Variants in NISCH observed in about 807,000 individuals in gnomAD.
NISCH encodes the protein I-1 receptor candidate protein.
NISCH carries 55 observed loss-of-function variants against 138.4 expected under a neutral mutation model. The observed-to-expected ratio is 0.40, with a 90% CI of 0.32 to 0.50. The LOEUF is 0.50. Ranked by LOEUF, NISCH falls within the 20% of genes least tolerant of loss-of-function variation. NISCH has a pLI of 0.71. For synonymous variants in NISCH, 860 were observed against 861.5 expected (o/e 1.00, Z 0.03); for missense variants, 1,643 against 2,005.5 (o/e 0.82, Z 3.45).
intron 13 of NISCH, among the ~76,000 whole-genome samples, chr3:52,484,052 G>C (rs1178487679): frequency 6.6e-6 from 1 of 152,256 alleles, no homozygotes; most frequent in East Asian, 1.9e-4. Context: ...TTCTTCTGCG[G>C]AATGTCTGTT....
In NISCH at chr3:52,492,919, C is replaced by A; in HGVS notation, c.*437C>A. The A allele has an allele frequency of 5.0e-6, 1 of 201,248 alleles. No homozygotes were observed. The highest frequency in any genetic ancestry group is 1.0e-5 in the Non-Finnish European group (1 of 98,130). 12.5% of individuals were successfully genotyped at this position (201,248 alleles called of 1,614,324 possible). A position where few individuals can be genotyped will look rare whatever the true frequency, so the allele number is the denominator to read the frequency against. Reference sequence around the variant, plus strand: ...GTAGCAGAATGCACATTGGAAGCTCCCACCCCATATTGTTCTTCAAAGTGG... The same window carrying A: ...GTAGCAGAATGCACATTGGAAGCTCACACCCCATATTGTTCTTCAAAGTGG... On this transcript the variant is annotated 3_prime_UTR_variant, in exon 21 of 21. Coordinates refer to ENST00000345716, the MANE Select transcript of NISCH (RefSeq NM_007184.4).
intron 3 of NISCH, chr3:52,470,584 G>T: frequency 1.9e-6 from 1 of 515,682 alleles, no homozygotes; most frequent in African/African-American, 1.9e-5. Flanking sequence ...TGGCCTCCTG[G>T]GCTACAGTGC....
At chr3:52,455,807 A>T in intron 1 of NISCH, 73 bp downstream of exon 1, 1 of 1,116,842 alleles carries the variant, frequency 9.0e-7, no homozygotes, top group East Asian at 3.1e-5. Context: ...GGGCTTGGGG[A>T]GGGGTCCGGG....
intron 13 of NISCH, 118 bp from the exon 14 acceptor site, chr3:52,484,395 G>T: frequency 1.1e-6 from 1 of 895,196 alleles, no homozygotes; most frequent in South Asian, 1.8e-5. Flanking sequence ...CTGGGTTTTG[G>T]GATCTGGCTA....
In NISCH at chr3:52,487,269, A is replaced by G. The variant is rs772883170; in HGVS notation, c.1777A>G (p.Ile593Val). The G allele has an allele frequency of 2.5e-6, 4 of 1,614,074 alleles. No homozygotes were observed. The highest frequency in any genetic ancestry group is 1.3e-5 in the African/African-American group (1 of 74,942). ...GQIIFLPFTC[I>V]GYTATNQDFI... ...GATCATCTTCCTGCCCTTCACCTGC[A>G]TTGGCTACACGGCCACCAATCAGGA... The change falls in exon 16 of 21, where the codon ATT becomes GTT. Residue 593 changes from isoleucine (I) to valine (V), a missense_variant. Transcript: ENST00000345716. This position sits in a 1 kb window ranked among gnomAD's most constrained non-coding sequence, Gnocchi z 9.1.
Position 52,485,773 on chromosome 3 carries a change from A to G in NISCH, c.1654-5A>G. ...GGGGACTGACTGTGTTTCTTTCTCC[A>G]TCAGGCAGCTTCCGATGATTTAAGG... On this transcript the variant is annotated splice_region_variant and splice_polypyrimidine_tract_variant and intron_variant, in intron 14 of 20. Coordinates refer to ENST00000345716, the MANE Select transcript of NISCH (RefSeq NM_007184.4). 5 of 1,577,416 alleles carry G rather than the reference A, an allele frequency of 3.2e-6. No individual in the cohort carries two copies. The highest frequency in any genetic ancestry group is 4.3e-6 in the Non-Finnish European group (5 of 1,160,122).
At chr3:52,471,469 T>G in intron 4 of NISCH, 1 of 383,614 alleles carries the variant, frequency 2.6e-6, no homozygotes, top group South Asian at 3.0e-5. Context: ...GGTGTTTGCA[T>G]TTCGGAGGTT....
chr3:52,458,632 T>C (rs1473108489), intron 2 of NISCH, 30 bp from the exon 3 acceptor site: 1 of 1,595,470 alleles, frequency 6.3e-7, no homozygotes, highest in Admixed American at 1.7e-5. Flanking sequence ...CCTCTTAGTC[T>C]GTGGTTGATG....
At chr3:52,459,030 G>A (rs531377454) in intron 3 of NISCH, among the ~76,000 whole-genome samples, 186 bp downstream of exon 3, 9 of 152,302 alleles carry the variant, frequency 5.9e-5, no homozygotes, top group Middle Eastern at 3.4e-3. Context: ...CAGATTTGCC[G>A]TAAATTAGAC....
Position 52,455,647 on chromosome 3 carries a change from G to T in NISCH, c.6G>T (p.Ala2=), listed in dbSNP as rs1706440476. The change falls in exon 1 of 21, where the codon GCG becomes GCT. Residue 2 remains alanine (A), a synonymous_variant. Coordinates refer to ENST00000345716, the MANE Select transcript of NISCH (RefSeq NM_007184.4). M[A]TARTFGPERE... is the part of the protein sequence containing the mutation. ...GTGGCGGCGGAGACCCGAACATGGC[G>T]ACCGCGCGCACCTTCGGGCCCGAGC... The T allele has an allele frequency of 7.5e-7, 1 of 1,340,536 alleles. No homozygotes were observed. The highest frequency in any genetic ancestry group is 9.6e-7 in the Non-Finnish European group (1 of 1,037,668). The allele number at this position is 1,340,536 out of a possible 1,614,324, so 83.0% of individuals were successfully genotyped here. A position where few individuals can be genotyped will look rare whatever the true frequency, so the allele number is the denominator to read the frequency against.
At position 52,478,109 on chromosome 3, in the gene NISCH, C is replaced by G; in HGVS notation, c.1000C>G (p.Leu334Val). ...CACGCCGCTGCAGCACCTGTATAAC[C>G]TTGTGCATCTGGACCTGTCCTACAA... ...VVDNLQHLYN[L>V]VHLDLSYNKL... is the part of the protein sequence containing the mutation. Residue 334 changes from leucine to valine, a missense_variant, in exon 10 of 21, where the codon CTT (leucine) becomes GTT (valine). Transcript: ENST00000345716. 1.2e-6 allele frequency: 2 copies of G among 1,613,900 alleles called. No homozygotes were observed. The highest frequency in any genetic ancestry group is 1.3e-5 in the African/African-American group (1 of 75,032).
At chr3:52,464,186 C>T (rs1182588618) in intron 3 of NISCH, among the ~76,000 whole-genome samples, 1 of 151,600 alleles carries the variant, frequency 6.6e-6, no homozygotes, top group African/African-American at 2.4e-5. Flanking sequence ...TCACTTGAGG[C>T]CTGGAGTTCG....
At chr3:52,466,868 C>G (rs1313233119) in intron 3 of NISCH, among the ~76,000 whole-genome samples, 1 of 152,152 alleles carries the variant, frequency 6.6e-6, no homozygotes, top group Admixed American at 6.6e-5. Context: ...AAACCTTTGC[C>G]CACGGCTACA....
intron 4 of NISCH, chr3:52,471,330 A>G (rs577962504): frequency 3.3e-5 from 9 of 274,420 alleles, no homozygotes; most frequent in African/African-American, 1.5e-4. Flanking sequence ...TCAGCGGCCC[A>G]GTCACCAGCC....
Position 52,489,415 on chromosome 3 carries a change from G to GCAGCCT in NISCH, c.3203_3208dup (p.Ala1068_Ser1069dup), listed in dbSNP as rs757845915. 8 of 1,605,618 alleles carry GCAGCCT rather than the reference G, an allele frequency of 5.0e-6. No homozygotes were observed. Among genetic ancestry groups the GCAGCCT allele is most frequent in the African/African-American group, 2.7e-5 (2 of 74,788 alleles). On this transcript the variant is annotated inframe_insertion, in exon 17 of 21. Transcript: ENST00000345716. ...GGAAGTCCCAGCTCCAGCCCCTGCAGCAGCCTCAGCCTCAGGCCCAGCGAA... is the reference window on the plus strand; with the variant it reads ...GGAAGTCCCAGCTCCAGCCCCTGCAGCAGCCTCAGCCTCAGCCTCAGGCCCAGCGAA...
chr3:52,488,716 C>A, intron 16 of NISCH, 111 bp downstream of exon 16: 1 of 957,526 alleles, frequency 1.0e-6, no homozygotes. Flanking sequence ...GCTGGGCCCC[C>A]TCCCCCCCTG....
At chr3:52,472,444 G>T (rs778507281) in intron 6 of NISCH, 46 bp downstream of exon 6, 1 of 1,503,918 alleles carries the variant, frequency 6.6e-7, no homozygotes, top group Non-Finnish European at 9.3e-7. Flanking sequence ...CAACTCAGAG[G>T]CTAGAGAGTG....
chr3:52,471,766 G>A, intron 4 of NISCH, 48 bp from the exon 5 acceptor site: 4 of 1,608,680 alleles, frequency 2.5e-6, no homozygotes, highest in Non-Finnish European at 3.4e-6. Flanking sequence ...CTGCACGAGG[G>A]CTGGGGCTGC....
Position 52,487,183 on chromosome 3 carries a change from T to G in NISCH, c.1704-13T>G. The G allele has an allele frequency of 6.2e-7, 1 of 1,604,766 alleles. No homozygotes were observed. Reference sequence around the variant, plus strand: ...CTCCCAGCATGCCACTGACCTGGCCTCTCCCTGCACAGCCCAGAACATGCC... The same window carrying G: ...CTCCCAGCATGCCACTGACCTGGCCGCTCCCTGCACAGCCCAGAACATGCC... On this transcript the variant is annotated splice_polypyrimidine_tract_variant and intron_variant, in intron 15 of 20. Coordinates refer to ENST00000345716, the MANE Select transcript of NISCH (RefSeq NM_007184.4). The surrounding 1 kb of genome is among the most constrained non-coding windows in gnomAD (Gnocchi z 9.1).
Sources: allele counts gnomAD v4.1 joint callset (sites outside exome capture counted in the v4.1 genomes callset), GRCh38; gene constraint gnomAD v4.1.1; non-coding constraint Gnocchi (gnomAD v3.1); transcripts MANE v1.5; gene names NCBI Gene and HGNC (gene_info 2026-07-23, HGNC 2026-07-21).